The following TMEM117 variants were observed in gnomAD, a reference collection of about 807,000 sequenced individuals.
The protein encoded by TMEM117 is transmembrane protein 117.
Under a neutral mutation model 52.4 loss-of-function variants are expected in TMEM117, and 27 were observed. The ratio of observed to expected loss-of-function variants is 0.51; its 90% CI spans 0.38 to 0.71. The LOEUF (loss-of-function observed/expected upper bound fraction) is 0.71, where lower values mean the gene tolerates loss of function less well. Among genes scored for constraint, TMEM117 ranks in the 30% least tolerant of loss-of-function variants. The pLI is 0.00. For synonymous variants in TMEM117, 215 were observed against 206.3 expected (o/e 1.04, Z -0.36); for missense variants, 556 against 630.5 (o/e 0.88, Z 1.26).
At chr12:44,333,970 G>C (rs1014116292) in intron 6 of TMEM117, among the ~76,000 whole-genome samples, 1 of 151,956 alleles carries the variant, frequency 6.6e-6, no homozygotes, top group Non-Finnish European at 1.5e-5. Context: ...TATCCTGAGG[G>C]ACGATGCTAA....
At chr12:44,224,825 A>T (rs1024445660) in intron 5 of TMEM117, among the ~76,000 whole-genome samples, 16 of 152,212 alleles carry the variant, frequency 1.1e-4, no homozygotes, top group Admixed American at 6.5e-4. Flanking sequence ...CTGGTAATTT[A>T]AAAAAATCAC....
intron 4 of TMEM117, among the ~76,000 whole-genome samples, chr12:44,187,929 A>T (rs1475998120): frequency 6.6e-6 from 1 of 152,124 alleles, no homozygotes; most frequent in East Asian, 1.9e-4. Flanking sequence ...TTTCTATTTC[A>T]AGAGCATTTG....
chr12:44,030,219 A>G (rs534775025), intron 3 of TMEM117, among the ~76,000 whole-genome samples: 1 of 152,348 alleles, frequency 6.6e-6, no homozygotes, highest in African/African-American at 2.4e-5. Flanking sequence ...CATTTGGTCT[A>G]AGTTATGCAG....
intron 6 of TMEM117, among the ~76,000 whole-genome samples, chr12:44,349,639 G>A (rs1023799366): frequency 6.6e-6 from 1 of 152,034 alleles, no homozygotes; most frequent in Non-Finnish European, 1.5e-5. Flanking sequence ...CCAGAGAAGT[G>A]CTGAGCATTC....
At chr12:44,211,262 G>T (rs1471152282) in intron 4 of TMEM117, 28 bp from the exon 5 acceptor site, 2 of 1,422,168 alleles carry the variant, frequency 1.4e-6, no homozygotes, top group Non-Finnish European at 9.9e-7. Context: ...TTCTGAAAGT[G>T]CTGAATAAGT....
At chr12:43,829,110 C>T in the TMEM117 span, among the ~76,000 whole-genome samples, 1 of 152,146 alleles carries the variant, frequency 6.6e-6, no homozygotes, top group Admixed American at 6.5e-5. Context: ...CTGTGCTGCT[C>T]CTCATTGCCT....
intron 3 of TMEM117, among the ~76,000 whole-genome samples, chr12:44,012,396 GTTT>G (rs1015225499): frequency 7.6e-6 from 1 of 132,016 alleles, no homozygotes; most frequent in Non-Finnish European, 1.7e-5. Context: ...TTCTGTTTTT[GTTT>G]TTTTTTTTTC....
chr12:44,311,723 ATATG>A (rs1278054738), intron 6 of TMEM117, among the ~76,000 whole-genome samples: 10 of 142,382 alleles, frequency 7.0e-5, no homozygotes, highest in African/African-American at 2.2e-4. Context: ...TTAAATATAT[ATATG>A]TATATATATA....
At chr12:44,107,613 G>A (rs1401019199) in intron 3 of TMEM117, among the ~76,000 whole-genome samples, 3 of 151,926 alleles carry the variant, frequency 2.0e-5, no homozygotes, top group African/African-American at 4.8e-5. Context: ...AGCACAGACT[G>A]AATTTTTAAT....
chr12:44,367,338 A>G (rs1951802829), intron 6 of TMEM117, among the ~76,000 whole-genome samples: 1 of 152,128 alleles, frequency 6.6e-6, no homozygotes, highest in Non-Finnish European at 1.5e-5. Context: ...CATATTGCCA[A>G]ATCTGATGGT....
intron 3 of TMEM117, among the ~76,000 whole-genome samples, chr12:43,963,091 C>A (rs998408080): frequency 1.3e-5 from 2 of 151,504 alleles, no homozygotes; most frequent in African/African-American, 2.4e-5. Context: ...TTCAGTATTG[C>A]CTCAGATTTC....
intron 3 of TMEM117, among the ~76,000 whole-genome samples, chr12:44,087,434 GTGTATGTATGTATGTA>G (rs60335561): frequency 1.1e-4 from 17 of 150,094 alleles, no homozygotes; most frequent in Non-Finnish European, 1.5e-4. Flanking sequence ...CTTTCTATGT[GTGTATGTATGTATGTA>G]TGTATGTATG....
At chr12:44,332,609 G>T (rs181496922) in intron 6 of TMEM117, among the ~76,000 whole-genome samples, 39 of 151,882 alleles carry the variant, frequency 2.6e-4, no homozygotes, top group Non-Finnish European at 4.4e-4. Context: ...ATTAGGAGAA[G>T]TATGGAATTT....
intron 3 of TMEM117, among the ~76,000 whole-genome samples, chr12:43,963,581 A>G (rs1371109303): frequency 6.6e-6 from 1 of 152,232 alleles, no homozygotes; most frequent in Non-Finnish European, 1.5e-5. Flanking sequence ...TAGTTTAAAG[A>G]CAGATTTCCC....
chr12:44,111,759 C>T (rs1159704612), intron 3 of TMEM117, among the ~76,000 whole-genome samples: 2 of 142,500 alleles, frequency 1.4e-5, no homozygotes, highest in Non-Finnish European at 3.0e-5. Flanking sequence ...TCCTGGGTAT[C>T]CTTGTTGACT....
chr12:44,082,010 T>C (rs1301711427), intron 3 of TMEM117, among the ~76,000 whole-genome samples: 1 of 151,776 alleles, frequency 6.6e-6, no homozygotes, highest in Non-Finnish European at 1.5e-5. Flanking sequence ...TATTAAAATA[T>C]TATTTAATTT....
intron 2 of TMEM117, among the ~76,000 whole-genome samples, chr12:43,851,439 C>G (rs1943306350): frequency 6.6e-6 from 1 of 152,182 alleles, no homozygotes; most frequent in East Asian, 1.9e-4. Flanking sequence ...CAGTACCTCT[C>G]TCTCTCATTT....
intron 5 of TMEM117, among the ~76,000 whole-genome samples, chr12:44,281,459 T>C (rs1950575863): frequency 6.6e-6 from 1 of 152,204 alleles, no homozygotes; most frequent in African/African-American, 2.4e-5. Context: ...AGACATACTC[T>C]TGTTCTTAGC....
chr12:44,069,470 C>G (rs80025215), intron 3 of TMEM117, among the ~76,000 whole-genome samples: 2,169 of 152,184 alleles, frequency 0.014, 19 homozygotes, highest in Non-Finnish European at 0.024. Flanking sequence ...TGAAAAGACT[C>G]AAGGCAGGAG....
Sources: allele counts gnomAD v4.1 joint callset (sites outside exome capture counted in the v4.1 genomes callset), GRCh38; gene constraint gnomAD v4.1.1; transcripts MANE v1.5; gene names NCBI Gene and HGNC (gene_info 2026-07-23, HGNC 2026-07-21).